TMEM209: variants seen among roughly 807,000 people sequenced by gnomAD.
The protein encoded by TMEM209 is transmembrane protein 209.
Under a neutral mutation model 76.2 loss-of-function variants are expected in TMEM209, and 65 were observed. That is an observed-to-expected ratio of 0.85 (90% CI 0.70 to 1.05). The LOEUF (loss-of-function observed/expected upper bound fraction) is 1.05. TMEM209 is among the 50% of genes least tolerant of loss of function. The pLI is 0.00. For missense variants in TMEM209, 623 were observed against 685.5 expected (o/e 0.91, Z 1.02); for synonymous variants, 239 against 237.6 (o/e 1.01, Z -0.06).
intron 3 of TMEM209, among the ~76,000 whole-genome samples, chr7:130,203,233 T>C (rs1798283533): frequency 1.3e-5 from 2 of 152,104 alleles, no homozygotes; most frequent in South Asian, 4.1e-4. Flanking sequence ...CTTACAAGAG[T>C]AGAGAGTTAG....
Position 130,173,846 on chromosome 7 carries a change from C to A in TMEM209, c.1438G>T (p.Val480Phe), listed in dbSNP as rs1797153383. ...DGKTFTSQHFVQTPNKPDVTN... is the reference protein window; with the variant it reads ...DGKTFTSQHFFQTPNKPDVTN... ...ATACCTGGTTTATTTGGTGTCTGAA[C>A]AAAGTGCTGAGAAGTAAAAGTTTTT... The change falls in exon 12 of 15, where the codon GTT (valine) becomes TTT (phenylalanine). Residue 480 changes from valine to phenylalanine, a missense_variant. By Grantham distance (50) the Val-to-Phe change is conservative (BLOSUM62 -1). Coordinates refer to ENST00000397622, the MANE Select transcript of TMEM209 (RefSeq NM_032842.4). 1 of 1,613,842 alleles carries A rather than the reference C, an allele frequency of 6.2e-7. No homozygotes were observed. Among genetic ancestry groups the A allele is most frequent in the East Asian group, 2.2e-5 (1 of 44,866 alleles).
chr7:130,186,093 A>G (rs1401406394), intron 6 of TMEM209, among the ~76,000 whole-genome samples: 2 of 152,160 alleles, frequency 1.3e-5, no homozygotes, highest in Non-Finnish European at 2.9e-5. Flanking sequence ...GCGCCTGAAT[A>G]AATAAGCAAG....
chr7:130,192,550 A>G, intron 6 of TMEM209, 72 bp downstream of exon 6: 2 of 1,298,446 alleles, frequency 1.5e-6, no homozygotes, highest in Non-Finnish European at 2.2e-6. Context: ...TGGATATTAA[A>G]ATAATGAAAA....
intron 5 of TMEM209, among the ~76,000 whole-genome samples, chr7:130,196,502 G>A (rs1000055450): frequency 1.3e-5 from 2 of 152,130 alleles, no homozygotes; most frequent in African/African-American, 4.8e-5. Context: ...AGGGAAAAAA[G>A]TGAACATTAT....
At position 130,173,571 on chromosome 7, in the gene TMEM209, ACAT is replaced by A; in HGVS notation, c.1557+58_1557+60del. On this transcript the variant is annotated intron_variant, in intron 13 of 14. Coordinates refer to ENST00000397622, the MANE Select transcript of TMEM209 (RefSeq NM_032842.4). Reference sequence around the variant, plus strand: ...TTAACATGAGATTATAATTTTAAAAACATCATCCAAGCAAATCACCCAAGACAT... The same window carrying A: ...TTAACATGAGATTATAATTTTAAAAACATCCAAGCAAATCACCCAAGACAT... The A allele has an allele frequency of 3.1e-6, 4 of 1,284,942 alleles. No individual in the cohort carries two copies. The East Asian group carries it at 7.0e-5, about 22-fold the overall frequency. The allele number at this position is 1,284,942 out of a possible 1,614,324, so 79.6% of individuals were successfully genotyped here. A position where few individuals can be genotyped will look rare whatever the true frequency, so the allele number is the denominator to read the frequency against.
At chr7:130,172,468 C>A (rs111711352) in intron 13 of TMEM209, among the ~76,000 whole-genome samples, 22,517 of 151,980 alleles carry the variant, frequency 0.15, 2,266 homozygotes, top group Middle Eastern at 0.23. Context: ...TCAGCCTCCT[C>A]AGCAGCTGGG....
intron 10 of TMEM209, among the ~76,000 whole-genome samples, chr7:130,177,354 A>C (rs971169501): frequency 6.6e-6 from 1 of 151,844 alleles, no homozygotes; most frequent in Non-Finnish European, 1.5e-5. Flanking sequence ...TCTCCAAAAA[A>C]AAAAAAAAAA....
chr7:130,199,711 ATTTC>A (rs1186359356), intron 5 of TMEM209: 2 of 152,194 alleles, frequency 1.3e-5, no homozygotes, highest in African/African-American at 2.4e-5. Flanking sequence ...GAAAAAAATT[ATTTC>A]TTTAAAAATA....
intron 14 of TMEM209, among the ~76,000 whole-genome samples, chr7:130,168,918 T>C (rs529698830): frequency 6.6e-6 from 1 of 152,320 alleles, no homozygotes; most frequent in Non-Finnish European, 1.5e-5. Context: ...TTTCCTAATC[T>C]TTCTTACATT....
chr7:130,193,465 G>A (rs1363960644), intron 5 of TMEM209, among the ~76,000 whole-genome samples: 1 of 152,016 alleles, frequency 6.6e-6, no homozygotes, highest in Admixed American at 6.6e-5. Context: ...TTAAACCCCG[G>A]GAGGCGGAGG....
chr7:130,172,016 G>C (rs1274550666), intron 13 of TMEM209, among the ~76,000 whole-genome samples: 1 of 151,992 alleles, frequency 6.6e-6, no homozygotes, highest in African/African-American at 2.4e-5. Flanking sequence ...CTGGGTGACA[G>C]AGCAAGACTC....
chr7:130,189,213 T>C (rs559510203), intron 6 of TMEM209, among the ~76,000 whole-genome samples: 1 of 152,308 alleles, frequency 6.6e-6, no homozygotes, highest in Non-Finnish European at 1.5e-5. Context: ...TATTTTTTCT[T>C]TGAGACAGAG....
chr7:130,175,343 C>A (rs1797198305), intron 11 of TMEM209, 169 bp downstream of exon 11: 2 of 559,410 alleles, frequency 3.6e-6, no homozygotes, highest in African/African-American at 1.9e-5. Flanking sequence ...CAGGCCTAGT[C>A]CCAGCTACTT....
chr7:130,196,871 G>A (rs1298199765), intron 5 of TMEM209, among the ~76,000 whole-genome samples: 5 of 152,116 alleles, frequency 3.3e-5, no homozygotes, highest in Non-Finnish European at 5.9e-5. Context: ...ACTATGCTTC[G>A]TTTGGTATAT....
chr7:130,181,604 G>A lies in TMEM209; in HGVS notation c.1120+19C>T. 1 of 1,595,974 alleles carries A rather than the reference G, an allele frequency of 6.3e-7. No homozygotes were observed. The highest frequency in any genetic ancestry group is 8.6e-7 in the Non-Finnish European group (1 of 1,167,710). On this transcript the variant is annotated intron_variant, in intron 9 of 14. Coordinates refer to ENST00000397622, the MANE Select transcript of TMEM209 (RefSeq NM_032842.4). ...GATTTACTAATAGAAATCCAACACT[G>A]GGCTCTGTTTTCACATACCTCCTAT...
rs879334628 is a variant in TMEM209 at position 130,187,266 on chromosome 7, C to CA, written c.776-1900dup. ...TCAAAAACAAAAAAAACCTCGATCT[C>CA]AAAAAAAAAAACAACATTATTAAGA... On this transcript the variant is annotated intron_variant, in intron 6 of 14. Coordinates refer to ENST00000397622, the MANE Select transcript of TMEM209 (RefSeq NM_032842.4). 5.4e-3 allele frequency among the ~76,000 whole-genome samples: 725 copies of CA among 135,484 alleles called. 2 individuals carry two copies. Among genetic ancestry groups the CA allele is most frequent in the African/African-American group, 0.014 (523 of 37,080 alleles). 88.9% of individuals were successfully genotyped at this position (135,484 alleles called of 152,430 possible). A position where few individuals can be genotyped will look rare whatever the true frequency, so the allele number is the denominator to read the frequency against.
chr7:130,194,793 ATTTT>A (rs986440342), intron 5 of TMEM209, among the ~76,000 whole-genome samples: 11 of 152,232 alleles, frequency 7.2e-5, no homozygotes, highest in Admixed American at 6.5e-4. Flanking sequence ...TGGATTACTT[ATTTT>A]ATTTAAATGT....
chr7:130,199,427 A>T (rs1442513905), intron 5 of TMEM209, among the ~76,000 whole-genome samples: 1 of 152,112 alleles, frequency 6.6e-6, no homozygotes, highest in Non-Finnish European at 1.5e-5. Context: ...TCAACATGTT[A>T]GCCAGGATGG....
At chr7:130,204,875 C>T (rs2633379) in intron 1 of TMEM209, 1 of 973,534 alleles carries the variant, frequency 1.0e-6, no homozygotes, top group Non-Finnish European at 1.2e-6. Context: ...ATTACTATCT[C>T]AACAACTCTG....
Sources: allele counts gnomAD v4.1 joint callset (sites outside exome capture counted in the v4.1 genomes callset), GRCh38; gene constraint gnomAD v4.1.1; transcripts MANE v1.5; gene names NCBI Gene and HGNC (gene_info 2026-07-23, HGNC 2026-07-21).